Variants in CLK4 observed in about 807,000 individuals in gnomAD.
The protein encoded by CLK4 is CDC like kinase 4, also known as dual specificity protein kinase CLK4.
A neutral mutation model predicts 64.4 loss-of-function variants in CLK4; 37 were observed. The ratio of observed to expected loss-of-function variants is 0.57; its 90% CI spans 0.44 to 0.76. The LOEUF is 0.76. CLK4 is among the 30% of genes least tolerant of loss of function. The pLI, the probability that CLK4 is intolerant of heterozygous loss-of-function variation, is 0.00. For missense variants in CLK4, 457 were observed against 605.1 expected (o/e 0.76, Z 2.57); for synonymous variants, 175 against 191.6 (o/e 0.91, Z 0.72).
At chr5:178,616,088 T>A (rs1372073105) in intron 5 of CLK4, among the ~76,000 whole-genome samples, 5 of 152,188 alleles carry the variant, frequency 3.3e-5, no homozygotes, top group African/African-American at 1.2e-4. Flanking sequence ...ATCATTCTTT[T>A]TTTTTATTTT....
intron 2 of CLK4, chr5:178,621,938 A>G (rs1433110504): frequency 6.6e-6 from 1 of 152,156 alleles, no homozygotes; most frequent in East Asian, 1.9e-4. Context: ...AAAAACACTC[A>G]AAGTTTTTGA....
intron 10 of CLK4, among the ~76,000 whole-genome samples, chr5:178,607,507 C>CT (rs70997615): frequency 0.36 from 28,309 of 78,078 alleles, 7,249 homozygotes; most frequent in Non-Finnish European, 0.38. Flanking sequence ...TACACTTTGT[C>CT]TTTTTTTTTT....
intron 2 of CLK4, chr5:178,620,660 T>C (rs1470747534): frequency 2.2e-6 from 1 of 450,176 alleles, no homozygotes; most frequent in South Asian, 1.6e-5. Flanking sequence ...TTCGTTTTTA[T>C]ATCCACACAG....
chr5:178,608,719 A>T (rs1488249486), intron 9 of CLK4, among the ~76,000 whole-genome samples: 1 of 152,210 alleles, frequency 6.6e-6, no homozygotes, highest in African/African-American at 2.4e-5. Flanking sequence ...TTTTCCAAGT[A>T]TACAACCAAT....
chr5:178,623,935 AAT>A (rs1262988763), intron 1 of CLK4, among the ~76,000 whole-genome samples: 1 of 152,214 alleles, frequency 6.6e-6, no homozygotes, highest in Non-Finnish European at 1.5e-5. Context: ...AAGGAGAAAT[AAT>A]ATCAGTGTCA....
At chr5:178,614,560 TAA>T (rs1489904316) in intron 5 of CLK4, among the ~76,000 whole-genome samples, 1 of 152,212 alleles carries the variant, frequency 6.6e-6, no homozygotes, top group African/African-American at 2.4e-5. Context: ...TCTTCCTTTT[TAA>T]ACCTAATCTA....
chr5:178,625,462 A>G (rs1477644579), intron 1 of CLK4, among the ~76,000 whole-genome samples: 1 of 151,828 alleles, frequency 6.6e-6, no homozygotes, highest in East Asian at 1.9e-4. Context: ...GTGTATTTCA[A>G]GTGCAGTTCT....
intron 3 of CLK4, chr5:178,618,091 T>C (rs1486323468): frequency 2.6e-5 from 4 of 152,214 alleles, no homozygotes; most frequent in African/African-American, 7.2e-5. Flanking sequence ...TTCAAAAGAA[T>C]TCATTGCAGA....
In CLK4 at chr5:178,617,381, G is replaced by A. The variant is rs771621884; in HGVS notation, c.438C>T (p.His146=). 18 of 1,613,930 alleles carry A rather than the reference G, an allele frequency of 1.1e-5. No homozygotes were observed. Among genetic ancestry groups the A allele is most frequent in the Non-Finnish European group, 1.5e-5 (18 of 1,179,926 alleles). ...GAACGTCTCCACTTTGACAGATCAG[G>A]TGACCCTCCTCATCATCCTCTATAC... is the stretch of plus-strand genomic sequence containing the variant. ...SRSIEDDEEG[H]LICQSGDVLR... The change falls in exon 4 of 13, where the codon CAC becomes CAT. Residue 146 remains histidine (H), a synonymous_variant. Coordinates refer to ENST00000316308, the MANE Select transcript of CLK4 (RefSeq NM_020666.3). The surrounding 1 kb of genome is among the most constrained non-coding windows in gnomAD (Gnocchi z 5.2).
intron 5 of CLK4, among the ~76,000 whole-genome samples, chr5:178,615,998 C>T (rs1764621556): frequency 6.6e-6 from 1 of 152,194 alleles, no homozygotes; most frequent in Admixed American, 6.5e-5. Context: ...GGTCAAGGGC[C>T]TCAGTTCTGG....
At chr5:178,620,212 A>G (rs1764690335) in intron 2 of CLK4, 1 of 270,146 alleles carries the variant, frequency 3.7e-6, no homozygotes, top group Admixed American at 4.3e-5. Flanking sequence ...TGGGTAGTCT[A>G]GGTCAGATAT....
chr5:178,612,630 CTT>C, intron 8 of CLK4, 85 bp from the exon 9 acceptor site: 1 of 1,406,428 alleles, frequency 7.1e-7, no homozygotes. Context: ...GAATTATCTT[CTT>C]GATTGTCAAA....
intron 2 of CLK4, chr5:178,622,329 G>T: frequency 1.6e-6 from 1 of 634,984 alleles, no homozygotes; most frequent in Non-Finnish European, 2.0e-6. Flanking sequence ...TGTCTGCACT[G>T]ACTACAAATA....
intron 10 of CLK4, among the ~76,000 whole-genome samples, chr5:178,608,149 T>G (rs1483959065): frequency 6.6e-6 from 1 of 152,192 alleles, no homozygotes; most frequent in Non-Finnish European, 1.5e-5. Flanking sequence ...GAACCATATA[T>G]GAACCATGTG....
At chr5:178,616,186 C>T (rs1764625111) in intron 5 of CLK4, among the ~76,000 whole-genome samples, 1 of 152,118 alleles carries the variant, frequency 6.6e-6, no homozygotes. Context: ...GCCTTCCTCC[C>T]CTCCTGGGTT....
chr5:178,606,442 G>A (rs1463866979), intron 10 of CLK4, among the ~76,000 whole-genome samples: 2 of 152,056 alleles, frequency 1.3e-5, no homozygotes, highest in South Asian at 2.1e-4. Flanking sequence ...GAAATCTGGC[G>A]AGGTGCCCCA....
rs1192715084 is a variant in CLK4 at position 178,608,475 on chromosome 5, A to C, written c.1052-17T>G. ...AACCTAAAGCTATTTTAAAACAAATAGAAACATTTTACTATGCAAAAACTT... is the reference window on the plus strand; with the variant it reads ...AACCTAAAGCTATTTTAAAACAAATCGAAACATTTTACTATGCAAAAACTT... On this transcript the variant is annotated splice_polypyrimidine_tract_variant and intron_variant, in intron 9 of 12. Coordinates refer to ENST00000316308, the MANE Select transcript of CLK4 (RefSeq NM_020666.3). The C allele has an allele frequency of 1.9e-6, 3 of 1,588,838 alleles. No individual in the cohort carries two copies. Among genetic ancestry groups the C allele is most frequent in the Admixed American group, 1.8e-5 (1 of 55,672 alleles).
intron 2 of CLK4, chr5:178,619,880 G>C (rs1223066157): frequency 1.0e-6 from 1 of 972,168 alleles, no homozygotes; most frequent in South Asian, 1.3e-5. Flanking sequence ...AGCTTCAAGA[G>C]GGATGCACAT....
intron 2 of CLK4, chr5:178,619,755 T>C: frequency 1.6e-6 from 2 of 1,270,284 alleles, no homozygotes; most frequent in Non-Finnish European, 2.1e-6. Context: ...AGGATGTCAA[T>C]GGATCCCAGT....
Sources: gnomAD v4.1 joint callset for allele counts (sites outside exome capture counted in the v4.1 genomes callset) on GRCh38, gnomAD v4.1.1 for gene constraint, Gnocchi (gnomAD v3.1) non-coding constraint, MANE v1.5 for transcripts, NCBI Gene and HGNC (gene_info 2026-07-23, HGNC 2026-07-21) for gene names.